WWC1: variants seen among roughly 807,000 people sequenced by gnomAD.
WWC1 encodes the protein WW and C2 domain containing 1.
A neutral mutation model predicts 138.4 loss-of-function variants in WWC1; 55 were observed. The ratio of observed to expected loss-of-function variants is 0.40; its 90% CI spans 0.32 to 0.50. The LOEUF (loss-of-function observed/expected upper bound fraction) is 0.50. Among genes scored for constraint, WWC1 ranks in the 20% least tolerant of loss-of-function variants. The pLI is 0.72. For synonymous variants in WWC1, 524 were observed against 564.9 expected (o/e 0.93, Z 1.03); for missense variants, 1,226 against 1,420.4 (o/e 0.86, Z 2.20).
At chr5:168,414,977 A>T (rs1780497602) in intron 9 of WWC1, 1 of 184,114 alleles carries the variant, frequency 5.4e-6, no homozygotes, top group African/African-American at 2.4e-5. Context: ...TGCTCTTTCT[A>T]CCTCTGATGG....
chr5:168,419,379 T>G (rs1780910131), intron 9 of WWC1, among the ~76,000 whole-genome samples: 1 of 152,166 alleles, frequency 6.6e-6, no homozygotes, highest in African/African-American at 2.4e-5. Context: ...GGAGAAAAAG[T>G]CATCCATTCA....
intron 3 of WWC1, among the ~76,000 whole-genome samples, chr5:168,394,534 TG>T (rs1414873773): frequency 6.6e-6 from 1 of 152,128 alleles, no homozygotes; most frequent in Non-Finnish European, 1.5e-5. Flanking sequence ...GAGACCAGCC[TG>T]GTCAACATGG....
chr5:168,426,249 G>A (rs1334000550), intron 11 of WWC1, among the ~76,000 whole-genome samples: 1 of 152,176 alleles, frequency 6.6e-6, no homozygotes, highest in Non-Finnish European at 1.5e-5. Flanking sequence ...TACTATAGCA[G>A]GTGGCAAGCC....
intron 17 of WWC1, among the ~76,000 whole-genome samples, chr5:168,451,070 TCGGC>T: frequency 1.3e-5 from 1 of 74,520 alleles, no homozygotes; most frequent in South Asian, 5.5e-4. Context: ...GGCTGCGATC[TCGGC>T]TCACTGCAAT....
chr5:168,419,297 C>T (rs572386742), intron 9 of WWC1, among the ~76,000 whole-genome samples: 52 of 152,306 alleles, frequency 3.4e-4, no homozygotes, highest in Non-Finnish European at 5.7e-4. Flanking sequence ...CAGTGGAACA[C>T]ATCTGTCCAT....
chr5:168,352,588 T>A (rs1775062354), intron 1 of WWC1, among the ~76,000 whole-genome samples: 1 of 119,450 alleles, frequency 8.4e-6, no homozygotes, highest in Admixed American at 7.5e-5. Flanking sequence ...TATATATAAT[T>A]TTTTTTTTTT....
chr5:168,315,337 T>G (rs1241373089), intron 1 of WWC1, among the ~76,000 whole-genome samples: 1 of 152,034 alleles, frequency 6.6e-6, no homozygotes, highest in Non-Finnish European at 1.5e-5. Flanking sequence ...GGGAACTGCA[T>G]TTTTATATGC....
chr5:168,443,844 A>G (rs1047077541), intron 16 of WWC1, among the ~76,000 whole-genome samples: 3 of 152,176 alleles, frequency 2.0e-5, no homozygotes, highest in African/African-American at 4.8e-5. Context: ...TTGCTTTGGT[A>G]TTAGCTACCA....
chr5:168,423,481 G>T, intron 10 of WWC1, 52 bp from the exon 11 acceptor site: 5 of 1,552,472 alleles, frequency 3.2e-6, no homozygotes, highest in Non-Finnish European at 4.3e-6. Flanking sequence ...AGGTCTCAGG[G>T]GGCCCACTTC....
rs527293741 is a variant in WWC1 at position 168,378,229 on chromosome 5, A to G, written c.229+6696A>G. Among the ~76,000 whole-genome samples, 9 of 152,310 alleles carry G rather than the reference A, an allele frequency of 5.9e-5. 1 individual carries two copies. In the South Asian group the frequency reaches 1.0e-3, roughly 18 times the overall value. On this transcript the variant is annotated intron_variant, in intron 2 of 22. Coordinates refer to ENST00000265293, the MANE Select transcript of WWC1 (RefSeq NM_015238.3). ...TTATTTTTTTGAGAGTGGGAGCTAA[A>G]CAATGGGTACTTATCGACATAAAAG...
chr5:168,292,537 C>T lies in WWC1; in HGVS notation c.119+266C>T, dbSNP rs762512595. On this transcript the variant is annotated intron_variant, in intron 1 of 22. Transcript: ENST00000265293. The surrounding 1 kb of genome is among the most constrained non-coding windows in gnomAD (Gnocchi z 4.4). Reference sequence around the variant, plus strand: ...TGGAGGACTTAGGCCCCAGCCGGCACCTGCCCGGAGTTTTGACCTTAAGCT... The same window carrying T: ...TGGAGGACTTAGGCCCCAGCCGGCATCTGCCCGGAGTTTTGACCTTAAGCT... Among the ~76,000 whole-genome samples, 1 of 152,048 alleles carries T rather than the reference C, an allele frequency of 6.6e-6. No individual in the cohort carries two copies. Among genetic ancestry groups the T allele is most frequent in the Non-Finnish European group, 1.5e-5 (1 of 68,006 alleles).
At position 168,454,113 on chromosome 5, in the gene WWC1, G is replaced by C. The variant is rs753300725; in HGVS notation, c.2658+13G>C. On this transcript the variant is annotated intron_variant, in intron 18 of 22. Transcript: ENST00000265293. The stretch of plus-strand genomic sequence containing the variant: ...CCCAGCATTAAAGGTAGGAAGGGCT[G>C]GGGGGATAGAAGGGCTGTCGTGGGG... 7.5e-6 allele frequency: 12 copies of C among 1,609,292 alleles called. No individual in the cohort carries two copies. The highest frequency in any genetic ancestry group is 1.7e-5 in the Admixed American group (1 of 58,780).
At chr5:168,464,377 A>T (rs933909585) in intron 20 of WWC1, among the ~76,000 whole-genome samples, 1 of 152,152 alleles carries the variant, frequency 6.6e-6, no homozygotes, top group Non-Finnish European at 1.5e-5. Context: ...GCGGGTGGGG[A>T]CTGCAGCCAG....
In WWC1 at chr5:168,379,422, G is replaced by A. The variant is rs1777454176; in HGVS notation, c.230-5789G>A. ...ACTCTTTTTTTTATTTTTTTGAGAC[G>A]GAGTTTCACTCTTGTCACCCAGGCT... On this transcript the variant is annotated intron_variant, in intron 2 of 22. Transcript: ENST00000265293. Among the ~76,000 whole-genome samples, 3 of 151,816 alleles carry A rather than the reference G, an allele frequency of 2.0e-5. 1 individual carries two copies. Among genetic ancestry groups the A allele is most frequent in the South Asian group, 4.2e-4 (2 of 4,802 alleles).
chr5:168,445,771 T>C (rs1755202592), intron 17 of WWC1, among the ~76,000 whole-genome samples: 1 of 151,090 alleles, frequency 6.6e-6, no homozygotes, highest in African/African-American at 2.4e-5. Context: ...CCCATGGTGT[T>C]ACTGGGAATC....
chr5:168,455,541 C>T (rs1340915593), intron 19 of WWC1, 21 bp downstream of exon 19: 1 of 1,608,412 alleles, frequency 6.2e-7, no homozygotes, highest in East Asian at 2.2e-5. Flanking sequence ...GTGCGGCCCT[C>T]TTCTGCTCCC....
Position 168,467,945 on chromosome 5 carries a change from C to T in WWC1, c.3256C>T (p.Pro1086Ser). ...CCGAGGCCAGAGCTGTAAGGAACCCCCAGAAGTTCAGTCTTTCAGGTAAGC... is the reference window on the plus strand; with the variant it reads ...CCGAGGCCAGAGCTGTAAGGAACCCTCAGAAGTTCAGTCTTTCAGGTAAGC... ...RLRGQSCKEP[P>S]EVQSFREKMA... The change falls in exon 22 of 23, where the codon CCA becomes TCA. Residue 1086 changes from proline to serine, a missense_variant. Pro to Ser is a moderately conservative substitution (Grantham distance 74). This residue lies in a region of WWC1 where 206 missense variants were observed against 247.4 expected (regional missense o/e 0.83). Transcript: ENST00000265293. The T allele has an allele frequency of 6.2e-7, 1 of 1,614,212 alleles. No homozygotes were observed. Among genetic ancestry groups the T allele is most frequent in the East Asian group, 2.2e-5 (1 of 44,886 alleles).
chr5:168,420,668 C>G (rs1781022824), intron 9 of WWC1, among the ~76,000 whole-genome samples: 1 of 152,166 alleles, frequency 6.6e-6, no homozygotes, highest in African/African-American at 2.4e-5. Context: ...CTGCCTCAGC[C>G]TTTTCCTCTT....
At position 168,431,358 on chromosome 5, in the gene WWC1, G is replaced by A. The variant is rs757239032; in HGVS notation, c.2194G>A (p.Val732Ile). 6.2e-7 allele frequency: 1 copy of A among 1,614,108 alleles called. No homozygotes were observed. Among genetic ancestry groups the A allele is most frequent in the Non-Finnish European group, 8.5e-7 (1 of 1,180,032 alleles). ...DTLVFNEVFW[V>I]SMSYPALHQK... ...TCTAGTGTTCAATGAGGTGTTCTGG[G>A]TATCCATGTCCTATCCAGCCCTTCA... Residue 732 changes from valine to isoleucine, a missense_variant, in exon 15 of 23, where the codon GTA (valine) becomes ATA (isoleucine). Physicochemically the swap from Val to Ile is conservative, Grantham distance 29. This residue lies in a region of WWC1 where 1,016 missense variants were observed against 1,153.9 expected (regional missense o/e 0.88). Coordinates refer to ENST00000265293, the MANE Select transcript of WWC1 (RefSeq NM_015238.3).
Sources: gnomAD v4.1 joint callset for allele counts (sites outside exome capture counted in the v4.1 genomes callset) on GRCh38, gnomAD v4.1.1 for gene constraint, gnomAD v4.1.1 regional missense constraint, Gnocchi (gnomAD v3.1) non-coding constraint, MANE v1.5 for transcripts, NCBI Gene and HGNC (gene_info 2026-07-23, HGNC 2026-07-21) for gene names.